ST7: variants seen among roughly 807,000 people sequenced by gnomAD.
The protein encoded by ST7 is suppression of tumorigenicity 7.
A neutral mutation model predicts 78.7 loss-of-function variants in ST7; 28 were observed. That is an observed-to-expected ratio of 0.36 (90% CI 0.26 to 0.49). The LOEUF (loss-of-function observed/expected upper bound fraction) is 0.49. Among genes scored for constraint, ST7 ranks in the 20% least tolerant of loss-of-function variants. The pLI is 0.99. For missense variants in ST7, 418 were observed against 696.0 expected, an observed-to-expected ratio of 0.60 and a Z score of 4.49; for synonymous variants, 247 against 249.6, an observed-to-expected ratio of 0.99 and a Z score of 0.10.
chr7:117,159,585 A>G (rs1362054235), intron 9 of ST7, among the ~76,000 whole-genome samples: 1 of 152,222 alleles, frequency 6.6e-6, no homozygotes, highest in Non-Finnish European at 1.5e-5. Flanking sequence ...GGCCTTTATC[A>G]TATGCTTTCA....
intron 9 of ST7, among the ~76,000 whole-genome samples, chr7:117,144,724 A>G (rs1444073319): frequency 1.3e-5 from 2 of 152,208 alleles, no homozygotes; most frequent in East Asian, 3.9e-4. Context: ...TTGTATAAGC[A>G]TAAGGAAAAA....
intron 1 of ST7, among the ~76,000 whole-genome samples, chr7:117,032,286 T>G (rs1189344950): frequency 6.6e-6 from 1 of 152,194 alleles, no homozygotes; most frequent in Non-Finnish European, 1.5e-5. Flanking sequence ...GAACATTTGT[T>G]CTTTCTCTTG....
intron 10 of ST7, among the ~76,000 whole-genome samples, chr7:117,185,207 C>G (rs559578343): frequency 6.6e-6 from 1 of 152,342 alleles, no homozygotes; most frequent in South Asian, 2.1e-4. Context: ...ATAGAACACA[C>G]TAATTTTCAC....
chr7:117,206,788 A>T (rs1261295551), intron 12 of ST7, among the ~76,000 whole-genome samples: 1 of 152,120 alleles, frequency 6.6e-6, no homozygotes, highest in Non-Finnish European at 1.5e-5. Context: ...ACACCTTTGA[A>T]ATTTTTTCAT....
At chr7:117,221,316 A>G (rs1283430359) in intron 14 of ST7, among the ~76,000 whole-genome samples, 1 of 152,168 alleles carries the variant, frequency 6.6e-6, no homozygotes, top group Admixed American at 6.5e-5. Flanking sequence ...AGATAACCCT[A>G]GCAGTCTTGA....
chr7:117,120,396 T>G (rs1445840162), intron 3 of ST7, among the ~76,000 whole-genome samples: 2 of 152,216 alleles, frequency 1.3e-5, no homozygotes, highest in African/African-American at 4.8e-5. Context: ...ATCACATCAC[T>G]CCTCTGCTTA....
chr7:117,097,662 C>G (rs1801158265), intron 1 of ST7, among the ~76,000 whole-genome samples: 1 of 150,878 alleles, frequency 6.6e-6, no homozygotes, highest in South Asian at 2.1e-4. Context: ...AATGTGGGGT[C>G]ACTCATAGTG....
chr7:117,130,874 A>T (rs1319924391), intron 5 of ST7, among the ~76,000 whole-genome samples: 1 of 151,914 alleles, frequency 6.6e-6, no homozygotes, highest in Admixed American at 6.6e-5. Flanking sequence ...AGAAATATGA[A>T]TCTTATATGA....
At chr7:116,997,751 G>A (rs1585116329) in intron 1 of ST7, among the ~76,000 whole-genome samples, 1 of 151,126 alleles carries the variant, frequency 6.6e-6, no homozygotes, top group South Asian at 2.1e-4. Context: ...GTATTTACAG[G>A]CCCTTAGCTA....
At chr7:117,047,418 T>C (rs910241431) in intron 1 of ST7, among the ~76,000 whole-genome samples, 7 of 152,182 alleles carry the variant, frequency 4.6e-5, no homozygotes, top group Non-Finnish European at 1.0e-4. Context: ...AGCATTTGAT[T>C]GTAAGAACTG....
chr7:117,146,500 A>G (rs557787027), intron 9 of ST7: 1 of 152,362 alleles, frequency 6.6e-6, no homozygotes, highest in African/African-American at 2.4e-5. Context: ...GAGTGACATG[A>G]CCAGTCTTAA....
intron 1 of ST7, among the ~76,000 whole-genome samples, chr7:117,068,716 C>T (rs149076557): frequency 1.3e-5 from 2 of 152,308 alleles, no homozygotes; most frequent in Non-Finnish European, 2.9e-5. Context: ...GCTTTTATCA[C>T]AGGAAGTAGA....
At chr7:117,133,346 C>G (rs921877578) in intron 6 of ST7, among the ~76,000 whole-genome samples, 1 of 151,816 alleles carries the variant, frequency 6.6e-6, no homozygotes, top group Non-Finnish European at 1.5e-5. Context: ...GGGATTTGCC[C>G]ATCCAGTCCA....
intron 12 of ST7, among the ~76,000 whole-genome samples, chr7:117,209,177 C>T (rs1225245068): frequency 6.6e-6 from 1 of 152,102 alleles, no homozygotes; most frequent in Non-Finnish European, 1.5e-5. Flanking sequence ...CCCCCATCCC[C>T]TACCCCAACT....
At chr7:117,063,178 G>A (rs886937947) in intron 1 of ST7, among the ~76,000 whole-genome samples, 1 of 152,122 alleles carries the variant, frequency 6.6e-6, no homozygotes, top group African/African-American at 2.4e-5. Context: ...GTATTTCACT[G>A]TGTTCTTTTT....
chr7:117,203,363 G>A (rs1811055212), intron 12 of ST7, among the ~76,000 whole-genome samples: 1 of 152,200 alleles, frequency 6.6e-6, no homozygotes, highest in Non-Finnish European at 1.5e-5. Flanking sequence ...TTAGTGTTAA[G>A]GAGTTACTGA....
chr7:116,971,442 A>G (rs1248720826), intron 1 of ST7, among the ~76,000 whole-genome samples: 6 of 152,128 alleles, frequency 3.9e-5, no homozygotes, highest in Non-Finnish European at 8.8e-5. Flanking sequence ...TTCTGTAAGC[A>G]GTTGGGAGGG....
At chr7:117,106,185 A>G (rs867315601) in intron 2 of ST7, among the ~76,000 whole-genome samples, 13 of 151,952 alleles carry the variant, frequency 8.6e-5, no homozygotes, top group Non-Finnish European at 1.5e-4. Context: ...TTTTTAGTAG[A>G]GACGGGGTTT....
intron 12 of ST7, among the ~76,000 whole-genome samples, chr7:117,205,367 T>C (rs1791654228): frequency 6.6e-6 from 1 of 152,216 alleles, no homozygotes; most frequent in South Asian, 2.1e-4. Flanking sequence ...GACTGTGATA[T>C]AAATTAATGT....
Sources: gnomAD v4.1 joint callset for allele counts (sites outside exome capture counted in the v4.1 genomes callset) on GRCh38, gnomAD v4.1.1 for gene constraint, MANE v1.5 for transcripts, NCBI Gene and HGNC (gene_info 2026-07-23, HGNC 2026-07-21) for gene names.